Variants in CIT observed in about 807,000 individuals in gnomAD.
CIT encodes citron rho-interacting serine/threonine kinase, also known as citron Rho-interacting kinase.
In CIT, 79 loss-of-function variants were observed where a neutral mutation model predicts 272.7. The ratio of observed to expected loss-of-function variants is 0.29; its 90% confidence interval spans 0.24 to 0.35. The LOEUF (loss-of-function observed/expected upper bound fraction) is 0.35, where lower values mean the gene tolerates loss of function less well. CIT is among the 10% of genes least tolerant of loss of function. The pLI, the probability that CIT is intolerant of heterozygous loss-of-function variation, is 1.00. For synonymous variants in CIT, 948 were observed against 995.6 expected (o/e 0.95, Z 0.90); for missense variants, 1,909 against 2,618.3 (o/e 0.73, Z 5.91).
At chr12:119,774,029 G>A (rs1460267514) in intron 16 of CIT, among the ~76,000 whole-genome samples, 6 of 152,156 alleles carry the variant, frequency 3.9e-5, no homozygotes, top group East Asian at 1.9e-4. Flanking sequence ...AGGACATTAC[G>A]CTAAATGAAA....
intron 9 of CIT, among the ~76,000 whole-genome samples, chr12:119,806,229 G>C (rs2137906711): frequency 6.7e-6 from 1 of 148,966 alleles, no homozygotes; most frequent in African/African-American, 2.5e-5. Flanking sequence ...AAGATTAAAA[G>C]CTAGGGATAT....
intron 37 of CIT, among the ~76,000 whole-genome samples, chr12:119,711,439 G>A (rs1244469957): frequency 6.6e-6 from 1 of 152,178 alleles, no homozygotes; most frequent in Non-Finnish European, 1.5e-5. Context: ...AAACAACTGA[G>A]ATGCTTATGA....
intron 24 of CIT, among the ~76,000 whole-genome samples, chr12:119,741,387 A>C (rs545465550): frequency 2.0e-5 from 3 of 152,352 alleles, no homozygotes; most frequent in Admixed American, 2.0e-4. Flanking sequence ...TCAGGGACTA[A>C]GAAAGTTCTG....
rs1035101791 is a variant in CIT, at chr12:119,688,109, G to T, written c.*123C>A. 1.9e-5 allele frequency: 20 copies of T among 1,077,074 alleles called. No homozygotes were observed. In the East Asian group the frequency reaches 4.2e-4, roughly 23 times the overall value. The allele number at this position is 1,077,074 out of a possible 1,614,324, so 66.7% of individuals were successfully genotyped here. ...GGGTGTCCGTGCCGAGGTGGGTCTG[G>T]GCCCCGCTGAGCCAGAGGGTGGCTG... On this transcript the variant is annotated 3_prime_UTR_variant, in exon 48 of 48. Transcript: ENST00000392521.
At chr12:119,868,230 A>G (rs1359221068) in intron 3 of CIT, among the ~76,000 whole-genome samples, 1 of 152,228 alleles carries the variant, frequency 6.6e-6, no homozygotes, top group African/African-American at 2.4e-5. Flanking sequence ...TCCAAAAAAA[A>G]CAAAAATTAT....
chr12:119,695,715 G>A (rs1337038166), intron 46 of CIT, among the ~76,000 whole-genome samples: 1 of 152,072 alleles, frequency 6.6e-6, no homozygotes, highest in African/African-American at 2.4e-5. Flanking sequence ...AGGATCACCT[G>A]AGCCCAGAGG....
At chr12:119,782,364 T>G (rs1964375205) in intron 13 of CIT, 154 bp downstream of exon 13, 2 of 745,696 alleles carry the variant, frequency 2.7e-6, no homozygotes. Context: ...AATCTGAAGT[T>G]TCTGAATGAC....
intron 3 of CIT, among the ~76,000 whole-genome samples, chr12:119,866,806 G>A (rs1950528515): frequency 6.6e-6 from 1 of 151,912 alleles, no homozygotes; most frequent in South Asian, 2.1e-4. Context: ...GTGAGACTTT[G>A]TCTCAAAAAA....
chr12:119,850,091 C>A, intron 5 of CIT, 83 bp downstream of exon 5: 1 of 894,318 alleles, frequency 1.1e-6, no homozygotes, highest in East Asian at 2.4e-5. Flanking sequence ...ACCACATGGG[C>A]AAGAACAACA....
rs78978668 is a variant in CIT at position 119,723,078 on chromosome 12, A to T, written c.3592-1629T>A. 8.0e-3 allele frequency among the ~76,000 whole-genome samples: 204 copies of T among 25,596 alleles called. 5 individuals carry two copies. The East Asian group carries it at 0.13, about 17-fold the overall frequency. The allele number at this position is 25,596 out of a possible 152,430, so 16.8% of individuals were successfully genotyped here. On this transcript the variant is annotated intron_variant, in intron 28 of 47. Coordinates refer to ENST00000392521, the MANE Select transcript of CIT (RefSeq NM_001206999.2). ...TCTAAAAAAATAAAAACGAAAATTT[A>T]AAAAAAAAATCATTTGGCCCGTGTG...
At chr12:119,724,754 G>A (rs1284409849) in intron 28 of CIT, among the ~76,000 whole-genome samples, 3 of 151,800 alleles carry the variant, frequency 2.0e-5, no homozygotes, top group Admixed American at 6.6e-5. Flanking sequence ...CCTGGCCAAC[G>A]TGGTGAAACC....
Position 119,768,855 on chromosome 12 carries a change from C to T in CIT, c.2209-1673G>A, listed in dbSNP as rs1436525292. 1.3e-5 allele frequency among the ~76,000 whole-genome samples: 2 copies of T among 152,098 alleles called. No individual in the cohort carries two copies. Among genetic ancestry groups the T allele is most frequent in the Non-Finnish European group, 2.9e-5 (2 of 68,030 alleles). On this transcript the variant is annotated intron_variant, in intron 18 of 47. Coordinates refer to ENST00000392521, the MANE Select transcript of CIT (RefSeq NM_001206999.2). This position sits in a 1 kb window ranked among gnomAD's most constrained non-coding sequence, Gnocchi z 4.3. ...ATATTTTAAAGCCAATGACATTTGG[C>T]GATGTATGTTCAGGCATCATCATTA... is the stretch of plus-strand genomic sequence containing the variant.
chr12:119,780,514 G>A (rs1374467134), intron 13 of CIT, among the ~76,000 whole-genome samples: 1 of 152,176 alleles, frequency 6.6e-6, no homozygotes, highest in Non-Finnish European at 1.5e-5. Flanking sequence ...CTACTCAGGA[G>A]GCTGAGGCAG....
At chr12:119,863,204 A>G (rs1410632606) in intron 3 of CIT, among the ~76,000 whole-genome samples, 10 of 147,948 alleles carry the variant, frequency 6.8e-5, no homozygotes, top group Admixed American at 2.0e-4. Flanking sequence ...TCTGTATCAA[A>G]AAAAAAAAAA....
intron 5 of CIT, among the ~76,000 whole-genome samples, chr12:119,840,948 C>G (rs561755769): frequency 1.3e-5 from 2 of 152,338 alleles, no homozygotes; most frequent in Admixed American, 6.5e-5. Flanking sequence ...AAACAGCCCA[C>G]TTTCAAATTG....
In CIT at chr12:119,701,659, G is replaced by A. The variant is rs1207707080; in HGVS notation, c.5507C>T (p.Ala1836Val). ...FPVSIVQVNS[A>V]GQREEYLLCF... ...CAGCAAGTACTCCTCTCGCTGCCCT[G>A]CGCTGTTCACCTGCACGATTGAGAC... The change falls in exon 43 of 48, where the codon GCA (alanine) becomes GTA (valine). Residue 1836 changes from alanine to valine, a missense_variant. Around this residue, in one of 8 missense-constraint regions of CIT, gnomAD observed 780 missense variants for 1,067.2 expected, o/e 0.73. Coordinates refer to ENST00000392521, the MANE Select transcript of CIT (RefSeq NM_001206999.2). 3.1e-6 allele frequency: 5 copies of A among 1,614,082 alleles called. No individual in the cohort carries two copies. In the African/African-American group the frequency reaches 6.7e-5, roughly 22 times the overall value.
rs79973535 is a variant in CIT at position 119,715,415 on chromosome 12, G to A, written c.4169-1081C>T. On this transcript the variant is annotated intron_variant, in intron 32 of 47. Transcript: ENST00000392521. ...GAACCTTGAAAACATTACATTCCATGAAAGAAGCCAGACACAAAGGCCGCA... is the reference window on the plus strand; with the variant it reads ...GAACCTTGAAAACATTACATTCCATAAAAGAAGCCAGACACAAAGGCCGCA... 5.2e-3 allele frequency among the ~76,000 whole-genome samples: 796 copies of A among 152,308 alleles called. 6 individuals carry two copies. The highest frequency in any genetic ancestry group is 8.0e-3 in the Non-Finnish European group (544 of 68,020).
Position 119,735,145 on chromosome 12 carries a change from G to A in CIT, c.3156+15C>T. On this transcript the variant is annotated intron_variant, in intron 25 of 47. Coordinates refer to ENST00000392521, the MANE Select transcript of CIT (RefSeq NM_001206999.2). ...AGTCCTCCAGGGATCTCACGACCTT[G>A]TTAACCCTCCTTACTTGCTTCTGGC... 6.2e-7 allele frequency: 1 copy of A among 1,612,788 alleles called. No homozygotes were observed. Among genetic ancestry groups the A allele is most frequent in the Non-Finnish European group, 8.5e-7 (1 of 1,179,606 alleles).
At chr12:119,868,925 T>G (rs1394226539) in intron 3 of CIT, 135 bp downstream of exon 3, 2 of 1,051,566 alleles carry the variant, frequency 1.9e-6, no homozygotes, top group Admixed American at 5.5e-5. Flanking sequence ...GCAGCCTGAA[T>G]TTGAACCTGG....
Sources: gnomAD v4.1 joint callset for allele counts (sites outside exome capture counted in the v4.1 genomes callset) on GRCh38, gnomAD v4.1.1 for gene constraint, gnomAD v4.1.1 regional missense constraint, Gnocchi (gnomAD v3.1) non-coding constraint, MANE v1.5 for transcripts, NCBI Gene and HGNC (gene_info 2026-07-23, HGNC 2026-07-21) for gene names.